LRMDA: variants seen among roughly 807,000 people sequenced by gnomAD.
LRMDA encodes leucine-rich melanocyte differentiation-associated protein.
In LRMDA, 18 loss-of-function variants were observed where a neutral mutation model predicts 29.8. That is an observed-to-expected ratio of 0.60 (90% CI 0.42 to 0.90). LRMDA has a LOEUF of 0.90. LRMDA is among the 40% of genes least tolerant of loss of function. The probability of loss-of-function intolerance (pLI) is 0.00; values close to 1 mark genes in which losing one functional copy is unlikely to be tolerated. For missense variants in LRMDA, 273 were observed against 273.9 expected (o/e 1.00, Z 0.02); for synonymous variants, 125 against 109.4 (o/e 1.14, Z -0.89).
At chr10:75,841,520 G>A (rs544884802) in intron 2 of LRMDA, among the ~76,000 whole-genome samples, 2 of 152,190 alleles carry the variant, frequency 1.3e-5, no homozygotes, top group Non-Finnish European at 2.9e-5. Flanking sequence ...GGAAAGTGGA[G>A]TATATATGTG....
chr10:76,148,310 TCCTTG>T (rs1850369484), intron 5 of LRMDA, among the ~76,000 whole-genome samples: 1 of 152,226 alleles, frequency 6.6e-6, no homozygotes, highest in East Asian at 1.9e-4. Context: ...CAGGCAGGCC[TCCTTG>T]AGCTGTGGTG....
At chr10:75,954,031 C>G (rs1846622991) in intron 2 of LRMDA, among the ~76,000 whole-genome samples, 2 of 152,160 alleles carry the variant, frequency 1.3e-5, no homozygotes, top group African/African-American at 4.8e-5. Flanking sequence ...GCTGGCGTGA[C>G]AATGGAGGGG....
chr10:76,137,445 C>T (rs1333400611), intron 5 of LRMDA, among the ~76,000 whole-genome samples: 1 of 152,136 alleles, frequency 6.6e-6, no homozygotes, highest in African/African-American at 2.4e-5. Flanking sequence ...ATTGTCTGTG[C>T]AGGCTAGACT....
chr10:75,677,355 TG>T (rs575103032), intron 2 of LRMDA, among the ~76,000 whole-genome samples: 98 of 148,152 alleles, frequency 6.6e-4, no homozygotes, highest in Non-Finnish European at 1.2e-3. Context: ...AGAGAATTTT[TG>T]TGAGGATTTT....
chr10:76,023,961 C>A (rs1002956963), intron 2 of LRMDA, among the ~76,000 whole-genome samples: 1 of 152,212 alleles, frequency 6.6e-6, no homozygotes, highest in African/African-American at 2.4e-5. Context: ...CTGATATCTG[C>A]AAATTGGACA....
At chr10:75,476,490 T>C (rs532166445) in intron 2 of LRMDA, among the ~76,000 whole-genome samples, 1 of 152,304 alleles carries the variant, frequency 6.6e-6, no homozygotes, top group East Asian at 1.9e-4. Flanking sequence ...GAGTTCATGT[T>C]CTCACACCCT....
chr10:76,282,214 C>T (rs1326763694), intron 5 of LRMDA, among the ~76,000 whole-genome samples: 2 of 152,150 alleles, frequency 1.3e-5, no homozygotes, highest in African/African-American at 2.4e-5. Context: ...GCAGTATATT[C>T]AGTAACTGGA....
intron 2 of LRMDA, among the ~76,000 whole-genome samples, chr10:75,839,499 C>A (rs1446601384): frequency 6.6e-6 from 1 of 151,678 alleles, no homozygotes; most frequent in Non-Finnish European, 1.5e-5. Flanking sequence ...AACATGATAT[C>A]AGCCTTGGGG....
chr10:76,030,305 TACAC>T (rs1408334195), intron 2 of LRMDA, among the ~76,000 whole-genome samples: 7 of 152,006 alleles, frequency 4.6e-5, no homozygotes, highest in Non-Finnish European at 1.0e-4. Context: ...GGCAGAAAAA[TACAC>T]ACAGCCAACT....
chr10:75,657,479 G>A (rs1425241117), intron 2 of LRMDA, among the ~76,000 whole-genome samples: 2 of 152,194 alleles, frequency 1.3e-5, no homozygotes, highest in African/African-American at 4.8e-5. Context: ...CAGCAGCCAG[G>A]CAAGCACTAA....
At chr10:75,996,379 A>G (rs1847462390) in intron 2 of LRMDA, among the ~76,000 whole-genome samples, 2 of 152,132 alleles carry the variant, frequency 1.3e-5, no homozygotes, top group South Asian at 2.1e-4. Context: ...ATCCAGGTCA[A>G]TTTTCCCCTA....
chr10:75,983,839 G>A (rs1275874154), intron 2 of LRMDA, among the ~76,000 whole-genome samples: 1 of 152,150 alleles, frequency 6.6e-6, no homozygotes, highest in East Asian at 1.9e-4. Flanking sequence ...ATTTTTAGTA[G>A]AGATGGGGTT....
intron 5 of LRMDA, among the ~76,000 whole-genome samples, chr10:76,093,048 A>G (rs915255785): frequency 1.3e-5 from 2 of 151,934 alleles, no homozygotes; most frequent in Non-Finnish European, 2.9e-5. Context: ...TGTTATTATT[A>G]TTTTTTGAGA....
At chr10:76,430,427 A>C (rs1304913842) in intron 6 of LRMDA, among the ~76,000 whole-genome samples, 3 of 152,210 alleles carry the variant, frequency 2.0e-5, no homozygotes, top group African/African-American at 7.2e-5. Context: ...TAAGTAATTG[A>C]CTAAGATCTA....
chr10:75,642,656 A>G (rs1420198148), intron 2 of LRMDA: 2 of 152,174 alleles, frequency 1.3e-5, no homozygotes, highest in Non-Finnish European at 2.9e-5. Flanking sequence ...ATTTTTGGCT[A>G]AAGTTGTCTT....
intron 2 of LRMDA, among the ~76,000 whole-genome samples, chr10:75,850,857 C>T (rs1204078031): frequency 6.6e-6 from 1 of 152,096 alleles, no homozygotes; most frequent in Admixed American, 6.6e-5. Flanking sequence ...GGAGTTGAAA[C>T]AGTAGTGTTC....
At chr10:75,995,155 A>T (rs1847439056) in intron 2 of LRMDA, among the ~76,000 whole-genome samples, 1 of 152,250 alleles carries the variant, frequency 6.6e-6, no homozygotes, top group Non-Finnish European at 1.5e-5. Context: ...TTCAGAGGGC[A>T]GCTGCCCTGT....
In LRMDA at chr10:76,508,825, C is replaced by T. The variant is rs76693850; in HGVS notation, c.602-48384C>T. Among the ~76,000 whole-genome samples, 908 of 152,256 alleles carry T rather than the reference C, an allele frequency of 6.0e-3. 23 individuals are homozygous for T. Among genetic ancestry groups the T allele is most frequent in the East Asian group, 0.06 (309 of 5,184 alleles). On this transcript the variant is annotated intron_variant, in intron 6 of 6. Coordinates refer to ENST00000611255, the MANE Select transcript of LRMDA (RefSeq NM_001305581.2). ...ACATTTTTAATGAAATAACTGAGAA[C>T]TCAAGAAGTTAAATAATACATCTGA...
rs887579036 is a variant in LRMDA, at chr10:76,424,843, C to T, written c.601+100358C>T. Among the ~76,000 whole-genome samples the T allele has an allele frequency of 3.9e-4, 59 of 152,292 alleles. 1 individual carries two copies. The highest frequency in any genetic ancestry group is 2.6e-4 in the Admixed American group (4 of 15,306). The stretch of plus-strand genomic sequence containing the variant: ...CCTTACTGTCTTTCCCAAGTTATTT[C>T]TCCAACCTGTACAGAGAGATTGTGC... On this transcript the variant is annotated intron_variant, in intron 6 of 6. Coordinates refer to ENST00000611255, the MANE Select transcript of LRMDA (RefSeq NM_001305581.2).
Sources: gnomAD v4.1 joint callset for allele counts (sites outside exome capture counted in the v4.1 genomes callset) on GRCh38, gnomAD v4.1.1 for gene constraint, MANE v1.5 for transcripts, NCBI Gene and HGNC (gene_info 2026-07-23, HGNC 2026-07-21) for gene names.